Variants in COL26A1 observed in about 807,000 individuals in gnomAD.
COL26A1 encodes collagen alpha-1(XXVI) chain.
Under a neutral mutation model 59.3 loss-of-function variants are expected in COL26A1, and 41 were observed. That is an observed-to-expected ratio of 0.69 (90% CI 0.54 to 0.90). The LOEUF (loss-of-function observed/expected upper bound fraction) is 0.90. Ranked by LOEUF, COL26A1 falls within the 40% of genes least tolerant of loss-of-function variation. The pLI is 0.00. For synonymous variants in COL26A1, 266 were observed against 256.0 expected (o/e 1.04, Z -0.37); for missense variants, 612 against 602.3 (o/e 1.02, Z -0.17).
intron 2 of COL26A1, among the ~76,000 whole-genome samples, chr7:101,429,589 C>CTTTTTTTTTTTTTTTTTTTTTTTT (rs58432413): frequency 6.4e-5 from 5 of 78,700 alleles, no homozygotes; most frequent in African/African-American, 1.5e-4. Context: ...TTCTTTTTTA[C>CTTTTTTTTTTTTTTTTTTTTTTTT]TTTTTTTTTT....
intron 3 of COL26A1, among the ~76,000 whole-genome samples, chr7:101,495,784 C>T (rs1003026612): frequency 2.0e-5 from 3 of 150,700 alleles, no homozygotes; most frequent in Non-Finnish European, 4.4e-5. Context: ...CTTCAAAGTC[C>T]TCACACATAA....
chr7:101,449,398 G>A (rs935634584), intron 3 of COL26A1, among the ~76,000 whole-genome samples: 1 of 152,200 alleles, frequency 6.6e-6, no homozygotes, highest in Non-Finnish European at 1.5e-5. Flanking sequence ...GCCAGGGGCC[G>A]AGGAGGCGAG....
At chr7:101,404,667 A>C (rs953709661) in intron 1 of COL26A1, among the ~76,000 whole-genome samples, 1 of 152,018 alleles carries the variant, frequency 6.6e-6, no homozygotes, top group Admixed American at 6.5e-5. Flanking sequence ...AGGCTGAAGT[A>C]GGAGGATTGC....
At chr7:101,500,967 A>C (rs184128387) in intron 3 of COL26A1, among the ~76,000 whole-genome samples, 89 of 151,960 alleles carry the variant, frequency 5.9e-4, no homozygotes, top group Middle Eastern at 3.4e-3. Context: ...GCGGATCACG[A>C]GGTCAGGAGT....
chr7:101,416,557 T>A (rs2130260709), intron 1 of COL26A1, among the ~76,000 whole-genome samples: 1 of 143,744 alleles, frequency 7.0e-6, no homozygotes, highest in East Asian at 1.9e-4. Flanking sequence ...TGGTCCTTGG[T>A]CTTCCTCTAG....
intron 1 of COL26A1, among the ~76,000 whole-genome samples, chr7:101,396,171 G>C (rs958488821): frequency 3.9e-5 from 6 of 151,974 alleles, no homozygotes; most frequent in African/African-American, 4.8e-5. Flanking sequence ...GGAGGGTGAG[G>C]GGGGGATAAT....
At chr7:101,432,145 A>G (rs1792798343) in intron 2 of COL26A1, among the ~76,000 whole-genome samples, 2 of 151,978 alleles carry the variant, frequency 1.3e-5, no homozygotes, top group Non-Finnish European at 2.9e-5. Flanking sequence ...TATTTTTAGT[A>G]GAGACAGGGT....
At position 101,557,737 on chromosome 7, in the gene COL26A1, G is replaced by C; in HGVS notation, c.*207G>C. The C allele has an allele frequency of 2.0e-6, 1 of 507,882 alleles. No homozygotes were observed. The highest frequency in any genetic ancestry group is 3.1e-5 in the East Asian group (1 of 32,254). The allele number at this position is 507,882 out of a possible 1,614,324, so 31.5% of individuals were successfully genotyped here. Reference sequence around the variant, plus strand: ...CCTCATCAGAGCCCTCCTCTGGCCTGTCCCCTCCCCTACCCCCACTCCCGG... The same window carrying C: ...CCTCATCAGAGCCCTCCTCTGGCCTCTCCCCTCCCCTACCCCCACTCCCGG... On this transcript the variant is annotated 3_prime_UTR_variant, in exon 13 of 13. Coordinates refer to ENST00000313669, the MANE Select transcript of COL26A1 (RefSeq NM_001278563.3).
intron 2 of COL26A1, among the ~76,000 whole-genome samples, chr7:101,440,352 C>G (rs973564603): frequency 6.6e-6 from 1 of 151,998 alleles, no homozygotes; most frequent in Non-Finnish European, 1.5e-5. Flanking sequence ...GGCAACAGAG[C>G]GAGACTCTGT....
chr7:101,387,761 TA>T (rs1234152439), intron 1 of COL26A1, among the ~76,000 whole-genome samples: 4 of 78,426 alleles, frequency 5.1e-5, no homozygotes, highest in African/African-American at 1.6e-4. Context: ...TATTTATATA[TA>T]TATATATATA....
intron 3 of COL26A1, among the ~76,000 whole-genome samples, chr7:101,463,783 T>TC (rs1793680421): frequency 5.8e-5 from 7 of 119,686 alleles, no homozygotes; most frequent in African/African-American, 2.5e-4. Flanking sequence ...CTTTCTTTCT[T>TC]TCTTCCTTTC....
In COL26A1 at chr7:101,540,310, G is replaced by T. The variant is rs368674667; in HGVS notation, c.604+261G>T. 2.0e-5 allele frequency among the ~76,000 whole-genome samples: 3 copies of T among 152,204 alleles called. 1 individual carries two copies. Among genetic ancestry groups the T allele is most frequent in the Non-Finnish European group, 4.4e-5 (3 of 68,046 alleles). ...CCCAACACTTTGGGAGGCCGAGAAG[G>T]GTGGATCATTTGAGGTCAGGAGTTC... On this transcript the variant is annotated intron_variant, in intron 5 of 12. Coordinates refer to ENST00000313669, the MANE Select transcript of COL26A1 (RefSeq NM_001278563.3).
intron 8 of COL26A1, among the ~76,000 whole-genome samples, chr7:101,547,455 G>A (rs192334609): frequency 6.0e-4 from 91 of 152,378 alleles, no homozygotes; most frequent in Non-Finnish European, 9.3e-4. Flanking sequence ...TGAAACCCAC[G>A]TGATTCTGCT....
intron 3 of COL26A1, among the ~76,000 whole-genome samples, chr7:101,490,055 G>A (rs559180058): frequency 2.9e-4 from 44 of 150,736 alleles, no homozygotes; most frequent in Non-Finnish European, 4.0e-4. Context: ...TACTGTCTCA[G>A]CCTCTCAAGT....
At chr7:101,556,882 T>C (rs1198453932) in intron 12 of COL26A1, among the ~76,000 whole-genome samples, 2 of 150,106 alleles carry the variant, frequency 1.3e-5, no homozygotes, top group Non-Finnish European at 3.0e-5. Context: ...CATAGATAAA[T>C]GAATGACTGA....
intron 1 of COL26A1, among the ~76,000 whole-genome samples, chr7:101,418,998 C>T (rs1444330312): frequency 1.3e-5 from 2 of 150,630 alleles, no homozygotes; most frequent in Non-Finnish European, 3.0e-5. Flanking sequence ...CTTTCTTTCT[C>T]TCTCTCTCTC....
intron 5 of COL26A1, among the ~76,000 whole-genome samples, chr7:101,541,600 C>T (rs1323907985): frequency 1.3e-5 from 2 of 151,968 alleles, no homozygotes; most frequent in Non-Finnish European, 2.9e-5. Flanking sequence ...ATCCTCATGC[C>T]TCGGCTTCCC....
rs202097754 is a variant in COL26A1 at position 101,540,025 on chromosome 7, C to G, written c.580C>G (p.Gln194Glu). 3 of 1,613,236 alleles carry G rather than the reference C, an allele frequency of 1.9e-6. No homozygotes were observed. The change falls in exon 5 of 13, where the codon CAG (glutamine) becomes GAG (glutamate). Residue 194 changes from glutamine to glutamate, a missense_variant. By Grantham distance (29) the Gln-to-Glu change is conservative. Transcript: ENST00000313669. ...CCCTCTTGCTCACCCTGTGCCACGA[C>G]AGAGAAGGCCCACGGGCCCAGCCGG... is the stretch of plus-strand genomic sequence containing the variant. ...AIPLAHPVPR[Q>E]RRPTGPAGPP...
At chr7:101,542,081 C>T (rs1267044983) in intron 5 of COL26A1, among the ~76,000 whole-genome samples, 1 of 152,094 alleles carries the variant, frequency 6.6e-6, no homozygotes, top group African/African-American at 2.4e-5. Flanking sequence ...ATTCCCCTGC[C>T]TCAGCCTCCC....
Sources: gnomAD v4.1 joint callset for allele counts (sites outside exome capture counted in the v4.1 genomes callset) on GRCh38, gnomAD v4.1.1 for gene constraint, MANE v1.5 for transcripts, NCBI Gene and HGNC (gene_info 2026-07-23, HGNC 2026-07-21) for gene names.